LRP1B: variants seen among roughly 807,000 people sequenced by gnomAD.
The protein encoded by LRP1B is LDL receptor related protein 1B.
LRP1B carries 217 observed loss-of-function variants against 556.6 expected under a neutral mutation model. That is an observed-to-expected ratio of 0.39 (90% confidence interval 0.35 to 0.44). LRP1B has a LOEUF of 0.44. Ranked by LOEUF, LRP1B falls within the 20% of genes least tolerant of loss-of-function variation. LRP1B has a pLI of 1.00. For missense variants in LRP1B, 5,053 were observed against 5,620.8 expected (o/e 0.90, Z 3.23); for synonymous variants, 2,047 against 1,865.8 (o/e 1.10, Z -2.50).
intron 8 of LRP1B, among the ~76,000 whole-genome samples, chr2:141,060,832 C>T (rs1029512009): frequency 2.0e-5 from 3 of 151,552 alleles, no homozygotes; most frequent in African/African-American, 7.3e-5. Context: ...GCCTTCAGCC[C>T]CAGTACTTCA....
chr2:141,188,324 C>T, intron 7 of LRP1B, 97 bp downstream of exon 7: 1 of 1,197,686 alleles, frequency 8.3e-7, no homozygotes, highest in Non-Finnish European at 1.2e-6. Context: ...AAGTTTGAGT[C>T]TGTAGTCTTA....
intron 1 of LRP1B, among the ~76,000 whole-genome samples, chr2:141,818,694 A>G (rs777724815): frequency 7.3e-5 from 11 of 150,260 alleles, no homozygotes; most frequent in South Asian, 4.2e-4. Flanking sequence ...CTGCCACCAC[A>G]CCTGGCTAAT....
At chr2:140,656,528 A>G (rs1047677764) in intron 41 of LRP1B, among the ~76,000 whole-genome samples, 2 of 152,214 alleles carry the variant, frequency 1.3e-5, no homozygotes, top group Admixed American at 6.5e-5. Flanking sequence ...CACATCAACC[A>G]GATATGACCT....
rs762477584 is a variant in LRP1B, at chr2:140,238,137, C to A, written c.13560+15G>T. The A allele has an allele frequency of 6.3e-7, 1 of 1,590,262 alleles. No homozygotes were observed. Among genetic ancestry groups the A allele is most frequent in the East Asian group, 2.3e-5 (1 of 44,166 alleles). ...AATGTTAGTGCTCACTGCCCATTAT[C>A]TTAAGACATACTACCTTTGTTGGGT... On this transcript the variant is annotated intron_variant, in intron 89 of 90. Transcript: ENST00000389484.
rs78753338 is a variant in LRP1B at position 141,253,085 on chromosome 2, G to A, written c.463+1437C>T. Reference sequence around the variant, plus strand: ...AGCTTGATTACTACAGGAGTCAGGTGTAGTAAATGAGTGAGAAGAATGCAG... The same window carrying A: ...AGCTTGATTACTACAGGAGTCAGGTATAGTAAATGAGTGAGAAGAATGCAG... On this transcript the variant is annotated intron_variant, in intron 4 of 90. Coordinates refer to ENST00000389484, the MANE Select transcript of LRP1B (RefSeq NM_018557.3). 9.2e-3 allele frequency among the ~76,000 whole-genome samples: 1,401 copies of A among 152,304 alleles called. 14 individuals carry two copies. Among genetic ancestry groups the A allele is most frequent in the East Asian group, 0.037 (193 of 5,184 alleles).
At chr2:140,530,905 A>G (rs16844161) in intron 47 of LRP1B, among the ~76,000 whole-genome samples, 4,521 of 152,278 alleles carry the variant, frequency 0.03, 85 homozygotes, top group African/African-American at 0.054. Context: ...AGTTTCGACT[A>G]AAAAAGAGGA....
intron 7 of LRP1B, among the ~76,000 whole-genome samples, chr2:141,063,917 G>C (rs1558835127): frequency 6.6e-6 from 1 of 151,862 alleles, no homozygotes; most frequent in Non-Finnish European, 1.5e-5. Flanking sequence ...CATGTGATGT[G>C]TAGAGACTAC....
chr2:141,667,435 C>T (rs966995407), intron 2 of LRP1B, among the ~76,000 whole-genome samples: 1 of 152,154 alleles, frequency 6.6e-6, no homozygotes, highest in African/African-American at 2.4e-5. Flanking sequence ...AACAATATCA[C>T]TTGACAAAAA....
chr2:141,086,467 C>T (rs1700048781), intron 7 of LRP1B, among the ~76,000 whole-genome samples: 1 of 151,942 alleles, frequency 6.6e-6, no homozygotes, highest in Non-Finnish European at 1.5e-5. Flanking sequence ...GTAAATTGTT[C>T]AAAATTGGAT....
chr2:142,054,632 A>G (rs574175968), intron 1 of LRP1B, among the ~76,000 whole-genome samples: 1 of 152,258 alleles, frequency 6.6e-6, no homozygotes, highest in African/African-American at 2.4e-5. Flanking sequence ...ACATTATTCT[A>G]TATAAGTAAT....
chr2:140,734,759 C>T (rs374625260), intron 35 of LRP1B, among the ~76,000 whole-genome samples: 13 of 151,878 alleles, frequency 8.6e-5, no homozygotes, highest in East Asian at 7.7e-4. Flanking sequence ...CAGATACTAA[C>T]GGAGGCCCTT....
At chr2:141,913,125 C>T (rs1014036746) in intron 1 of LRP1B, among the ~76,000 whole-genome samples, 6 of 152,118 alleles carry the variant, frequency 3.9e-5, no homozygotes, top group Non-Finnish European at 8.8e-5. Context: ...GAAACACGTT[C>T]TGAAGATGGT....
At chr2:140,977,587 A>G (rs1280812170) in intron 18 of LRP1B, among the ~76,000 whole-genome samples, 1 of 80,830 alleles carries the variant, frequency 1.2e-5, no homozygotes, top group African/African-American at 4.1e-5. Context: ...GGGTGGTGCA[A>G]CAGTAATTGC....
intron 43 of LRP1B, among the ~76,000 whole-genome samples, chr2:140,542,922 G>C (rs1008461631): frequency 6.6e-6 from 1 of 152,168 alleles, no homozygotes; most frequent in African/African-American, 2.4e-5. Flanking sequence ...AAGAATTAGA[G>C]AGGAGAGTCC....
At chr2:140,311,562 G>T (rs960591777) in intron 83 of LRP1B, among the ~76,000 whole-genome samples, 10 of 151,632 alleles carry the variant, frequency 6.6e-5, no homozygotes, top group Admixed American at 3.3e-4. Flanking sequence ...TACTTAATGG[G>T]TAAAATGTAC....
chr2:141,044,466 C>T (rs1698805511), intron 11 of LRP1B, among the ~76,000 whole-genome samples: 1 of 150,250 alleles, frequency 6.7e-6, no homozygotes. Context: ...AAGAAACTAC[C>T]ATCAGAGTGA....
chr2:142,048,664 G>T (rs922205454), intron 1 of LRP1B, among the ~76,000 whole-genome samples: 1 of 151,960 alleles, frequency 6.6e-6, no homozygotes, highest in Non-Finnish European at 1.5e-5. Flanking sequence ...TGTAAAAATT[G>T]CATTTTATAG....
intron 1 of LRP1B, among the ~76,000 whole-genome samples, chr2:141,938,195 A>C (rs769447321): frequency 6.6e-6 from 1 of 152,196 alleles, no homozygotes; most frequent in Non-Finnish European, 1.5e-5. Context: ...TTTATTTGCA[A>C]ACCATATATC....
At chr2:141,051,591 G>A (rs1699036809) in intron 10 of LRP1B, among the ~76,000 whole-genome samples, 1 of 151,928 alleles carries the variant, frequency 6.6e-6, no homozygotes. Context: ...TAGCAAAAAT[G>A]TGAAGAATAT....
Sources: gnomAD v4.1 joint callset for allele counts (sites outside exome capture counted in the v4.1 genomes callset) on GRCh38, gnomAD v4.1.1 for gene constraint, MANE v1.5 for transcripts, NCBI Gene and HGNC (gene_info 2026-07-23, HGNC 2026-07-21) for gene names.